Variants in CDH10 observed in about 807,000 individuals in gnomAD.
CDH10 encodes the protein cadherin 10.
In CDH10, 30 loss-of-function variants were observed where a neutral mutation model predicts 73.1. The observed-to-expected ratio is 0.41, with a 90% CI of 0.31 to 0.56. The LOEUF is 0.56. Among genes scored for constraint, CDH10 ranks in the 20% least tolerant of loss-of-function variants. The pLI is 0.27. For missense variants in CDH10, 815 were observed against 973.7 expected (o/e 0.84, Z 2.17); for synonymous variants, 345 against 348.2 (o/e 0.99, Z 0.10).
chr5:24,563,249 A>C (rs565172296), intron 2 of CDH10, among the ~76,000 whole-genome samples: 1 of 152,156 alleles, frequency 6.6e-6, no homozygotes, highest in East Asian at 1.9e-4. Context: ...TTTAGGTTTG[A>C]TGTTTCCTCA....
chr5:24,626,816 GTA>G (rs1235878170), intron 1 of CDH10, among the ~76,000 whole-genome samples: 1 of 147,722 alleles, frequency 6.8e-6, no homozygotes, highest in Non-Finnish European at 1.5e-5. Context: ...GTGTGTGTGT[GTA>G]TAAGTACATA....
At chr5:24,626,792 ATGTGTGTGTGTG>A (rs58419965) in intron 1 of CDH10, among the ~76,000 whole-genome samples, 2 of 149,052 alleles carry the variant, frequency 1.3e-5, no homozygotes, top group African/African-American at 2.5e-5. Flanking sequence ...ATATATATAT[ATGTGTGTGTGTG>A]TGTGTGTGTG....
At chr5:24,589,835 C>A (rs1746140634) in intron 2 of CDH10, among the ~76,000 whole-genome samples, 1 of 151,880 alleles carries the variant, frequency 6.6e-6, no homozygotes, top group Admixed American at 6.6e-5. Flanking sequence ...AGTTTATAAT[C>A]GCAATGTTCC....
At chr5:24,604,834 T>C (rs1009903856) in intron 1 of CDH10, among the ~76,000 whole-genome samples, 2 of 143,188 alleles carry the variant, frequency 1.4e-5, no homozygotes, top group Non-Finnish European at 3.0e-5. Flanking sequence ...GGTCAAGCCA[T>C]TGCAGTCAAA....
Position 24,607,185 on chromosome 5 carries a change from T to C in CDH10, c.-123-13572A>G, listed in dbSNP as rs115856289. ...AGTGTGTAATTTAATAAAGTGTTCA[T>C]TGATGTCAGCACACGGGCTCATCAG... is the stretch of plus-strand genomic sequence containing the variant. On this transcript the variant is annotated intron_variant, in intron 1 of 11. Coordinates refer to ENST00000264463, the MANE Select transcript of CDH10 (RefSeq NM_006727.5). 9.8e-3 allele frequency among the ~76,000 whole-genome samples: 1,493 copies of C among 152,230 alleles called. 18 individuals carry two copies. Among genetic ancestry groups the C allele is most frequent in the African/African-American group, 0.035 (1,441 of 41,532 alleles).
Position 24,509,419 on chromosome 5 carries a change from T to G in CDH10, c.1256+147A>C, listed in dbSNP as rs1037948959. ...CAAGACCGGCTAATTTTTTGTATCT[T>G]TAGTAGAGACAGGGTTTCACCATGT... On this transcript the variant is annotated intron_variant, in intron 7 of 11. Transcript: ENST00000264463. 14 of 609,604 alleles carry G rather than the reference T, an allele frequency of 2.3e-5. No homozygotes were observed. The African/African-American group carries it at 2.6e-4, about 11-fold the overall frequency. The allele number at this position is 609,604 out of a possible 1,614,324, so 37.8% of individuals were successfully genotyped here. A position where few individuals can be genotyped will look rare whatever the true frequency, so the allele number is the denominator to read the frequency against.
rs567241364 is a variant in CDH10 at position 24,487,397 on chromosome 5, C to A, written c.*266G>T. The stretch of plus-strand genomic sequence containing the variant: ...AGGGAGAACTATCCTGTTCATGTTT[C>A]TGAAATTATCTTTTATTTACTAAGA... On this transcript the variant is annotated 3_prime_UTR_variant, in exon 12 of 12. Coordinates refer to ENST00000264463, the MANE Select transcript of CDH10 (RefSeq NM_006727.5). 1 of 361,206 alleles carries A rather than the reference C, an allele frequency of 2.8e-6. No homozygotes were observed. Among genetic ancestry groups the A allele is most frequent in the East Asian group, 5.2e-5 (1 of 19,054 alleles). 22.4% of individuals were successfully genotyped at this position (361,206 alleles called of 1,614,324 possible).
At chr5:24,635,202 T>G (rs901705252) in intron 1 of CDH10, among the ~76,000 whole-genome samples, 3 of 151,950 alleles carry the variant, frequency 2.0e-5, no homozygotes, top group African/African-American at 4.8e-5. Flanking sequence ...TAATATAGAC[T>G]GCAGAATTAT....
intron 5 of CDH10, among the ~76,000 whole-genome samples, chr5:24,516,544 C>T (rs1318412423): frequency 6.6e-6 from 1 of 152,010 alleles, no homozygotes; most frequent in East Asian, 1.9e-4. Flanking sequence ...CCCCTTCTCT[C>T]TCATTTATTT....
chr5:24,516,454 C>T (rs1448885262), intron 5 of CDH10, among the ~76,000 whole-genome samples: 2 of 145,902 alleles, frequency 1.4e-5, no homozygotes, highest in East Asian at 2.1e-4. Context: ...TTAATACCAC[C>T]ATTTACTAAT....
intron 1 of CDH10, among the ~76,000 whole-genome samples, chr5:24,624,487 T>C (rs1055286779): frequency 6.6e-6 from 1 of 152,162 alleles, no homozygotes; most frequent in African/African-American, 2.4e-5. Context: ...ACACTGGGTA[T>C]GGTGATCTCT....
chr5:24,515,920 TC>T (rs1743093402), intron 5 of CDH10, among the ~76,000 whole-genome samples: 1 of 152,060 alleles, frequency 6.6e-6, no homozygotes, highest in Non-Finnish European at 1.5e-5. Flanking sequence ...CTGAGCAATC[TC>T]TTTCGCCTGC....
At chr5:24,597,634 T>C (rs1378779452) in intron 1 of CDH10, among the ~76,000 whole-genome samples, 2 of 152,088 alleles carry the variant, frequency 1.3e-5, no homozygotes, top group Non-Finnish European at 2.9e-5. Context: ...ATGTTCATTT[T>C]AAAGCATTTG....
intron 2 of CDH10, among the ~76,000 whole-genome samples, chr5:24,571,985 A>G (rs922996069): frequency 6.6e-6 from 1 of 151,346 alleles, no homozygotes; most frequent in Non-Finnish European, 1.5e-5. Context: ...AAAAAAAAAA[A>G]TCGACAGAAG....
intron 2 of CDH10, among the ~76,000 whole-genome samples, chr5:24,571,339 A>T (rs1160947584): frequency 6.6e-6 from 1 of 152,152 alleles, no homozygotes; most frequent in Non-Finnish European, 1.5e-5. Context: ...AATAATAGGG[A>T]CAACTTCAAT....
intron 11 of CDH10, 37 bp downstream of exon 11, chr5:24,491,539 C>A (rs563077405): frequency 2.6e-6 from 4 of 1,568,618 alleles, no homozygotes; most frequent in South Asian, 2.3e-5. Flanking sequence ...TACTAAAGAG[C>A]CTAGAAAATG....
intron 1 of CDH10, among the ~76,000 whole-genome samples, chr5:24,631,677 T>C (rs1382584984): frequency 1.3e-5 from 2 of 151,976 alleles, no homozygotes; most frequent in East Asian, 3.9e-4. Context: ...GAACACTAAA[T>C]AATTGACAAT....
intron 2 of CDH10, among the ~76,000 whole-genome samples, chr5:24,565,448 T>C (rs1745133350): frequency 6.6e-6 from 1 of 152,090 alleles, no homozygotes; most frequent in Non-Finnish European, 1.5e-5. Context: ...AACAGGATAA[T>C]ATGTAAAATC....
chr5:24,571,606 G>C (rs1246646547), intron 2 of CDH10, among the ~76,000 whole-genome samples: 1 of 152,098 alleles, frequency 6.6e-6, no homozygotes, highest in Non-Finnish European at 1.5e-5. Flanking sequence ...AAGGCAAAAA[G>C]TGGAGGAGAT....
Sources: gnomAD v4.1 joint callset for allele counts (sites outside exome capture counted in the v4.1 genomes callset) on GRCh38, gnomAD v4.1.1 for gene constraint, MANE v1.5 for transcripts, NCBI Gene and HGNC (gene_info 2026-07-23, HGNC 2026-07-21) for gene names.